GALNT6: variants seen among roughly 807,000 people sequenced by gnomAD.
The protein encoded by GALNT6 is GalNAc transferase 6.
GALNT6 carries 51 observed loss-of-function variants against 65.9 expected under a neutral mutation model. That is an observed-to-expected ratio of 0.77 (90% confidence interval 0.62 to 0.98). The LOEUF is 0.98. Ranked by LOEUF, GALNT6 falls within the 50% of genes least tolerant of loss-of-function variation. The probability of loss-of-function intolerance (pLI) is 0.00; values close to 1 mark genes in which losing one functional copy is unlikely to be tolerated. For missense variants in GALNT6, 708 were observed against 803.3 expected (o/e 0.88, Z 1.43); for synonymous variants, 323 against 315.1 (o/e 1.02, Z -0.26).
At position 51,351,542 on chromosome 12, in the gene GALNT6, C is replaced by T. The variant is rs1352148079; in HGVS notation, c.*2837G>A. The stretch of plus-strand genomic sequence containing the variant: ...GGACTCATCTTCCGAGGTCTTAGGT[C>T]AAACATTGCCATCTTTGTGAGGCCT... On this transcript the variant is annotated 3_prime_UTR_variant, in exon 12 of 12. Coordinates refer to ENST00000356317, the MANE Select transcript of GALNT6 (RefSeq NM_007210.4). 3.3e-5 allele frequency: 5 copies of T among 152,228 alleles called. No homozygotes were observed. Among genetic ancestry groups the T allele is most frequent in the African/African-American group, 1.2e-4 (5 of 41,444 alleles). The allele number at this position is 152,228 out of a possible 1,614,324, so 9.4% of individuals were successfully genotyped here. A position where few individuals can be genotyped will look rare whatever the true frequency, so the allele number is the denominator to read the frequency against.
chr12:51,376,266 G>A (rs1947448887), intron 4 of GALNT6, among the ~76,000 whole-genome samples: 1 of 152,178 alleles, frequency 6.6e-6, no homozygotes, highest in South Asian at 2.1e-4. Flanking sequence ...ATTCCTAGGT[G>A]TTGGACTCTG....
intron 2 of GALNT6, among the ~76,000 whole-genome samples, chr12:51,381,922 A>G (rs1947685883): frequency 6.6e-6 from 1 of 152,244 alleles, no homozygotes; most frequent in South Asian, 2.1e-4. Flanking sequence ...GCTTAAAAAT[A>G]ACTCTGGTTG....
chr12:51,354,459 A>G lies in GALNT6; in HGVS notation c.1789T>C (p.Cys597Arg). ...GGCTTTTTGTCCTGGGATGTCAGGC[A>G]GGTACCAGATCCTGAGTTCCTGATG... is the stretch of plus-strand genomic sequence containing the variant. ...QLIRNSGSGT[C>R]LTSQDKKPAM... Residue 597 changes from cysteine to arginine, a missense_variant, in exon 12 of 12, where the codon TGC becomes CGC. Cys to Arg is a radical substitution (Grantham distance 180, BLOSUM62 -3). Coordinates refer to ENST00000356317, the MANE Select transcript of GALNT6 (RefSeq NM_007210.4). 1 of 1,597,450 alleles carries G rather than the reference A, an allele frequency of 6.3e-7. No homozygotes were observed. Among genetic ancestry groups the G allele is most frequent in the Non-Finnish European group, 8.5e-7 (1 of 1,173,214 alleles).
rs75431045 is a variant in GALNT6, at chr12:51,386,281, T to G, written c.-104+4569A>C. On this transcript the variant is annotated intron_variant, in intron 2 of 11. Transcript: ENST00000356317. ...CCCGATCTCTCAACTCCTAGACCAC[T>G]ACTCTGTTTACCACACTCATACCCG... Among the ~76,000 whole-genome samples, 1,249 of 152,312 alleles carry G rather than the reference T, an allele frequency of 8.2e-3. 16 individuals carry two copies. Among genetic ancestry groups the G allele is most frequent in the African/African-American group, 0.028 (1,162 of 41,560 alleles).
At chr12:51,381,012 G>A (rs1947652694) in intron 2 of GALNT6, among the ~76,000 whole-genome samples, 1 of 152,142 alleles carries the variant, frequency 6.6e-6, no homozygotes. Flanking sequence ...GCTGAGGTGG[G>A]AGGATCGCTT....
intron 4 of GALNT6, among the ~76,000 whole-genome samples, chr12:51,369,359 C>T (rs1207587808): frequency 6.6e-6 from 1 of 152,206 alleles, no homozygotes; most frequent in Non-Finnish European, 1.5e-5. Context: ...CGTGATACTC[C>T]ACCTGTTCCA....
rs1270438252 is a variant in GALNT6 at position 51,359,216 on chromosome 12, T to C, written c.1284A>G (p.Gln428=). Residue 428 remains glutamine (Q), a synonymous_variant, in exon 8 of 12, where the codon CAA becomes CAG. Transcript: ENST00000356317. ...CCATCCAGACCTCTGCCAGGCGCAC[T>C]TGATTGCGAGCAATGACACTAGTGC... is the stretch of plus-strand genomic sequence containing the variant. The part of the protein sequence containing the change: ...PKGTSVIARN[Q]VRLAEVWMDS... 1 of 1,614,200 alleles carries C rather than the reference T, an allele frequency of 6.2e-7. No individual in the cohort carries two copies. Among genetic ancestry groups the C allele is most frequent in the Non-Finnish European group, 8.5e-7 (1 of 1,180,000 alleles).
chr12:51,354,322 C>A lies in GALNT6; in HGVS notation c.*57G>T. ...AGCTGGTGATCAGGTTCCCAGACATCAGCAATCCTGTTTCCTGAGGAGCTT... is the reference window on the plus strand; with the variant it reads ...AGCTGGTGATCAGGTTCCCAGACATAAGCAATCCTGTTTCCTGAGGAGCTT... On this transcript the variant is annotated 3_prime_UTR_variant, in exon 12 of 12. Transcript: ENST00000356317. The A allele has an allele frequency of 2.0e-6, 2 of 980,124 alleles. No individual in the cohort carries two copies. The highest frequency in any genetic ancestry group is 3.0e-6 in the Non-Finnish European group (2 of 661,658). The allele number at this position is 980,124 out of a possible 1,614,324, so 60.7% of individuals were successfully genotyped here.
At chr12:51,371,641 G>A in intron 4 of GALNT6, among the ~76,000 whole-genome samples, 1 of 152,104 alleles carries the variant, frequency 6.6e-6, no homozygotes, top group South Asian at 2.1e-4. Context: ...GTGCCAGACA[G>A]GGAGGGAACC....
At chr12:51,372,974 C>T (rs572253317) in intron 4 of GALNT6, among the ~76,000 whole-genome samples, 24 of 152,220 alleles carry the variant, frequency 1.6e-4, no homozygotes, top group Non-Finnish European at 2.6e-4. Context: ...TGTAGCCCCT[C>T]TGTTTTGGCT....
chr12:51,380,005 C>T lies in GALNT6; in HGVS notation c.-103-121G>A, dbSNP rs1947610725. The stretch of plus-strand genomic sequence containing the variant: ...GGTGGCATCACCTTATTGGCCACAA[C>T]TTTCCCATATCTACATTTCCTTCAT... On this transcript the variant is annotated intron_variant, in intron 2 of 11. Coordinates refer to ENST00000356317, the MANE Select transcript of GALNT6 (RefSeq NM_007210.4). 13 of 561,888 alleles carry T rather than the reference C, an allele frequency of 2.3e-5. No homozygotes were observed. In the South Asian group the frequency reaches 2.7e-4, roughly 12 times the overall value. The allele number at this position is 561,888 out of a possible 1,614,324, so 34.8% of individuals were successfully genotyped here.
In GALNT6 at chr12:51,357,367, G is replaced by A. The variant is rs527811271; in HGVS notation, c.1584C>T (p.His528=). The change falls in exon 10 of 12, where the codon CAC becomes CAT. Residue 528 remains histidine (H), a synonymous_variant. Coordinates refer to ENST00000356317, the MANE Select transcript of GALNT6 (RefSeq NM_007210.4). ...GGKPLIMYSC[H]GLGGNQYFEY... is the part of the protein sequence containing the mutation. ...TGCATACCTGGTTGCCGCCAAGGCC[G>A]TGGCAGGAGTACATGATGAGGGGCT... 32 of 1,612,592 alleles carry A rather than the reference G, an allele frequency of 2.0e-5. No homozygotes were observed. The highest frequency in any genetic ancestry group is 8.9e-5 in the East Asian group (4 of 44,878).
Position 51,379,355 on chromosome 12 carries a change from T to C in GALNT6, c.427A>G (p.Asn143Asp). The C allele has an allele frequency of 6.4e-7, 1 of 1,551,386 alleles. No individual in the cohort carries two copies. Among genetic ancestry groups the C allele is most frequent in the Non-Finnish European group, 8.7e-7 (1 of 1,152,984 alleles). ...KEEGYKKHCF[N>D]AFASDRISLQ... Reference sequence around the variant, plus strand: ...GAGATCCGGTCGCTGGCAAAGGCATTGAAACAGTGCTTCTTATAGCCTTCT... The same window carrying C: ...GAGATCCGGTCGCTGGCAAAGGCATCGAAACAGTGCTTCTTATAGCCTTCT... Residue 143 changes from asparagine (N) to aspartate (D), a missense_variant, in exon 3 of 12, where the codon AAT (asparagine) becomes GAT (aspartate). Transcript: ENST00000356317.
chr12:51,389,488 A>G (rs1367903131), intron 2 of GALNT6, among the ~76,000 whole-genome samples: 1 of 152,234 alleles, frequency 6.6e-6, no homozygotes, highest in Non-Finnish European at 1.5e-5. Context: ...TCTCTTAACT[A>G]TGACATCACA....
Position 51,354,363 on chromosome 12 carries a change from G to C in GALNT6, c.*16C>G. 1 of 1,383,770 alleles carries C rather than the reference G, an allele frequency of 7.2e-7. No homozygotes were observed. Among genetic ancestry groups the C allele is most frequent in the Non-Finnish European group, 9.9e-7 (1 of 1,012,232 alleles). 85.7% of individuals were successfully genotyped at this position (1,383,770 alleles called of 1,614,324 possible). A position where few individuals can be genotyped will look rare whatever the true frequency, so the allele number is the denominator to read the frequency against. The stretch of plus-strand genomic sequence containing the variant: ...TGAGGAGCTTGTGGGGGCTCTCTCT[G>C]GGGATGATCTGGGTCCTAGACAAAG... On this transcript the variant is annotated 3_prime_UTR_variant, in exon 12 of 12. Coordinates refer to ENST00000356317, the MANE Select transcript of GALNT6 (RefSeq NM_007210.4).
At chr12:51,365,179 G>A (rs900442458) in intron 5 of GALNT6, among the ~76,000 whole-genome samples, 1 of 152,150 alleles carries the variant, frequency 6.6e-6, no homozygotes, top group East Asian at 1.9e-4. Flanking sequence ...AATGTCCGGG[G>A]CCCCGGTGAT....
chr12:51,357,438 C>T lies in GALNT6; in HGVS notation c.1513G>A (p.Gly505Ser), dbSNP rs367785753. 27 of 1,613,126 alleles carry T rather than the reference C, an allele frequency of 1.7e-5. No homozygotes were observed. The highest frequency in any genetic ancestry group is 2.1e-5 in the Non-Finnish European group (25 of 1,179,268). ...PTFYGAIKNL[G>S]TNQCLDVGEN... is the part of the protein sequence containing the mutation. ...CCCACATCCAGGCATTGGTTGGTGC[C>T]GAGGTTCTTGATCTGCAGAAGGGTG... is the stretch of plus-strand genomic sequence containing the variant. The change falls in exon 10 of 12, where the codon GGC (glycine) becomes AGC (serine). Residue 505 changes from glycine to serine, a missense_variant. Gly to Ser is a moderately conservative substitution (Grantham distance 56). Transcript: ENST00000356317.
rs774876964 is a variant in GALNT6, at chr12:51,377,337, G to C, written c.522C>G (p.Pro174=). ...ECVDQKFRRC[P]PLATTSVIIV... ...TGATCACGCTGGTGGTGGCCAGTGG[G>C]GGGCAGCGCCGGAACTTCTGGTCCA... Residue 174 remains proline, a synonymous_variant, in exon 4 of 12, where the codon CCC becomes CCG. Coordinates refer to ENST00000356317, the MANE Select transcript of GALNT6 (RefSeq NM_007210.4). 3 of 1,612,744 alleles carry C rather than the reference G, an allele frequency of 1.9e-6. No individual in the cohort carries two copies. The highest frequency in any genetic ancestry group is 1.7e-5 in the Admixed American group (1 of 60,016).
chr12:51,365,322 C>T, intron 5 of GALNT6, 108 bp downstream of exon 5: 3 of 1,083,292 alleles, frequency 2.8e-6, no homozygotes, highest in Admixed American at 5.4e-5. Flanking sequence ...GCCTCCTTCA[C>T]TCCCGGAAGA....
Sources: gnomAD v4.1 joint callset for allele counts (sites outside exome capture counted in the v4.1 genomes callset) on GRCh38, gnomAD v4.1.1 for gene constraint, MANE v1.5 for transcripts, NCBI Gene and HGNC (gene_info 2026-07-23, HGNC 2026-07-21) for gene names.